PCBD2: variants seen among roughly 807,000 people sequenced by gnomAD.
PCBD2 encodes the protein pterin-4 alpha-carbinolamine dehydratase 2, also known as pterin-4-alpha-carbinolamine dehydratase 2.
PCBD2 carries 12 observed loss-of-function variants against 16.4 expected under a neutral mutation model. That is an observed-to-expected ratio of 0.73 (90% CI 0.47 to 1.19). The LOEUF is 1.19. Among genes scored for constraint, PCBD2 ranks in the 50% most tolerant of loss-of-function variants. The pLI, the probability that PCBD2 is intolerant of heterozygous loss-of-function variation, is 0.00. For missense variants in PCBD2, 138 were observed against 156.8 expected, an observed-to-expected ratio of 0.88 and a Z score of 0.64; for synonymous variants, 58 against 61.8, an observed-to-expected ratio of 0.94 and a Z score of 0.29.
chr5:134,936,826 G>T (rs1751163871), intron 2 of PCBD2, among the ~76,000 whole-genome samples: 1 of 152,106 alleles, frequency 6.6e-6, no homozygotes, highest in Non-Finnish European at 1.5e-5. Context: ...GAGAATAGAA[G>T]ACCTGCTTGT....
At chr5:134,926,592 T>TA (rs1413488986) in intron 2 of PCBD2, 1 of 396,022 alleles carries the variant, frequency 2.5e-6, no homozygotes, top group Non-Finnish European at 4.5e-6. Context: ...GCTTTCTCGG[T>TA]AAATAAGGGG....
chr5:134,934,392 G>A (rs1561911732), intron 2 of PCBD2, among the ~76,000 whole-genome samples: 1 of 152,174 alleles, frequency 6.6e-6, no homozygotes, highest in Non-Finnish European at 1.5e-5. Flanking sequence ...GCTGCTTAGA[G>A]ATCAGTAATT....
chr5:134,906,194 ATTTTTTTTTT>A (rs1158334317), intron 1 of PCBD2, among the ~76,000 whole-genome samples: 6 of 66,522 alleles, frequency 9.0e-5, no homozygotes, highest in South Asian at 8.1e-4. Context: ...TAATAGAAGA[ATTTTTTTTTT>A]TTTTTTTTTT....
chr5:134,954,301 C>G (rs543544161), intron 2 of PCBD2, among the ~76,000 whole-genome samples: 1 of 152,278 alleles, frequency 6.6e-6, no homozygotes, highest in Non-Finnish European at 1.5e-5. Context: ...ACTTATGTCT[C>G]TAACTTGATC....
chr5:134,962,519 C>T lies in PCBD2; in HGVS notation c.*1838C>T, dbSNP rs1309615910. Among the ~76,000 whole-genome samples the T allele has an allele frequency of 6.6e-6, 1 of 152,042 alleles. No individual in the cohort carries two copies. The highest frequency in any genetic ancestry group is 2.4e-5 in the African/African-American group (1 of 41,400). ...CTTCCTGCCTTGACCCCCCAAAGTG[C>T]TGGGATTACAGGCGTGAGCCACTGC... On this transcript the variant is annotated 3_prime_UTR_variant, in exon 4 of 4. Coordinates refer to ENST00000254908, the MANE Select transcript of PCBD2 (RefSeq NM_032151.5).
chr5:134,922,461 G>A (rs1001656541), intron 2 of PCBD2, among the ~76,000 whole-genome samples: 3 of 152,100 alleles, frequency 2.0e-5, no homozygotes, highest in Non-Finnish European at 2.9e-5. Flanking sequence ...AGTTTTTCTT[G>A]ATTTTTATGC....
At chr5:134,942,753 G>T (rs1317439735) in intron 2 of PCBD2, among the ~76,000 whole-genome samples, 4 of 152,044 alleles carry the variant, frequency 2.6e-5, no homozygotes, top group African/African-American at 9.7e-5. Flanking sequence ...GCACTGTGCT[G>T]TGTGATTGGT....
At chr5:134,920,570 T>C (rs747223143) in intron 2 of PCBD2, among the ~76,000 whole-genome samples, 6 of 152,220 alleles carry the variant, frequency 3.9e-5, no homozygotes, top group South Asian at 2.1e-4. Flanking sequence ...CATTTAATTG[T>C]ATCATTAAAA....
chr5:134,953,254 A>G (rs1241352413), intron 2 of PCBD2, among the ~76,000 whole-genome samples: 2 of 151,198 alleles, frequency 1.3e-5, no homozygotes, highest in African/African-American at 2.4e-5. Flanking sequence ...TCTTTGTTTC[A>G]TTTTAATTAT....
chr5:134,943,620 AC>A (rs2149538059), intron 2 of PCBD2, among the ~76,000 whole-genome samples: 1 of 152,330 alleles, frequency 6.6e-6, no homozygotes, highest in African/African-American at 2.4e-5. Flanking sequence ...CAGAAATGTC[AC>A]TACTTGCTGT....
At chr5:134,957,188 T>G (rs115956708) in intron 2 of PCBD2, among the ~76,000 whole-genome samples, 2 of 152,126 alleles carry the variant, frequency 1.3e-5, no homozygotes, top group African/African-American at 4.8e-5. Context: ...CAATCCGGGA[T>G]GCAAAGGCTG....
intron 2 of PCBD2, among the ~76,000 whole-genome samples, chr5:134,951,334 G>A (rs144102996): frequency 6.6e-6 from 1 of 152,034 alleles, no homozygotes; most frequent in Non-Finnish European, 1.5e-5. Flanking sequence ...GTACTTCCAT[G>A]TCAGAGGATA....
At chr5:134,925,372 A>G in intron 2 of PCBD2, 1 of 398,382 alleles carries the variant, frequency 2.5e-6, no homozygotes, top group East Asian at 3.6e-5. Flanking sequence ...TATGGTTTTG[A>G]GTAGTCCTCC....
At chr5:134,920,040 A>T (rs1750884119) in intron 2 of PCBD2, among the ~76,000 whole-genome samples, 1 of 152,098 alleles carries the variant, frequency 6.6e-6, no homozygotes, top group Non-Finnish European at 1.5e-5. Context: ...CTCAGGAGGG[A>T]TTCGGTCCAG....
chr5:134,922,211 T>A (rs1750912435), intron 2 of PCBD2, among the ~76,000 whole-genome samples: 1 of 152,068 alleles, frequency 6.6e-6, no homozygotes, highest in Non-Finnish European at 1.5e-5. Flanking sequence ...TTTGTTTTTG[T>A]TTTGTTTTGT....
At chr5:134,935,371 T>C (rs1490839726) in intron 2 of PCBD2, among the ~76,000 whole-genome samples, 1 of 152,260 alleles carries the variant, frequency 6.6e-6, no homozygotes, top group Non-Finnish European at 1.5e-5. Context: ...CCCTCCTTTA[T>C]GTGACCTTCC....
In PCBD2 at chr5:134,961,707, A is replaced by T. The variant is rs576124087; in HGVS notation, c.*1026A>T. Among the ~76,000 whole-genome samples, 1 of 152,328 alleles carries T rather than the reference A, an allele frequency of 6.6e-6. No individual in the cohort carries two copies. The highest frequency in any genetic ancestry group is 6.5e-5 in the Admixed American group (1 of 15,296). On this transcript the variant is annotated 3_prime_UTR_variant, in exon 4 of 4. Transcript: ENST00000254908. ...TTTTGGAGAATAGTTGTAAGGTGGA[A>T]AAAGAATTAGGAACTCGACAGATAG...
At chr5:134,930,836 C>A (rs1751084254) in intron 2 of PCBD2, among the ~76,000 whole-genome samples, 1 of 152,234 alleles carries the variant, frequency 6.6e-6, no homozygotes, top group South Asian at 2.1e-4. Flanking sequence ...ATTTCTGTTT[C>A]AAGACAATTC....
At chr5:134,948,030 G>A (rs1751318436) in intron 2 of PCBD2, among the ~76,000 whole-genome samples, 1 of 152,166 alleles carries the variant, frequency 6.6e-6, no homozygotes, top group Non-Finnish European at 1.5e-5. Flanking sequence ...GAATTGCAAA[G>A]CATCACAAGT....
Sources: allele counts gnomAD v4.1 joint callset (sites outside exome capture counted in the v4.1 genomes callset), GRCh38; gene constraint gnomAD v4.1.1; transcripts MANE v1.5; gene names NCBI Gene and HGNC (gene_info 2026-07-23, HGNC 2026-07-21).